GNB1: variants seen among roughly 807,000 people sequenced by gnomAD.
The protein encoded by GNB1 is G protein subunit beta 1, also known as guanine nucleotide-binding protein G(I)/G(S)/G(T) subunit beta-1.
A neutral mutation model predicts 42.9 loss-of-function variants in GNB1; 2 were observed. The ratio of observed to expected loss-of-function variants is 0.05; its 90% CI spans 0.02 to 0.15. The LOEUF (loss-of-function observed/expected upper bound fraction) is 0.15. GNB1 is among the 10% of genes least tolerant of loss of function. The pLI is 1.00. For synonymous variants in GNB1, 183 were observed against 174.7 expected (o/e 1.05, Z -0.38); for missense variants, 193 against 462.2 (o/e 0.42, Z 5.34).
chr1:1,795,751 T>TCAAAAAAA (rs56070879), intron 7 of GNB1, among the ~76,000 whole-genome samples: 125,151 of 150,772 alleles, frequency 0.83, 53,799 homozygotes, highest in Non-Finnish European at 0.95. Flanking sequence ...AGACTCTGCC[T>TCAAAAAAA]CAAAAAAACA....
chr1:1,829,095 C>T (rs1031024242), intron 2 of GNB1, among the ~76,000 whole-genome samples: 10 of 152,036 alleles, frequency 6.6e-5, no homozygotes, highest in South Asian at 2.1e-4. Context: ...TCACTCTTAT[C>T]GCCCAGGCTG....
At chr1:1,829,883 C>T (rs1427644028) in intron 2 of GNB1, among the ~76,000 whole-genome samples, 1 of 152,002 alleles carries the variant, frequency 6.6e-6, no homozygotes, top group Non-Finnish European at 1.5e-5. Context: ...GGACTACAGG[C>T]ACATGCCACC....
At chr1:1,819,424 T>C (rs1646900946) in intron 3 of GNB1, among the ~76,000 whole-genome samples, 1 of 152,110 alleles carries the variant, frequency 6.6e-6, no homozygotes, top group Admixed American at 6.6e-5. Flanking sequence ...TTTCACCATA[T>C]TGGCCAGGCT....
chr1:1,859,956 A>C (rs944035904), intron 1 of GNB1, among the ~76,000 whole-genome samples: 2 of 152,208 alleles, frequency 1.3e-5, no homozygotes, highest in African/African-American at 4.8e-5. Context: ...ATGTAAATGT[A>C]AATGACCAGT....
chr1:1,838,001 G>A (rs929518554), intron 2 of GNB1, among the ~76,000 whole-genome samples: 2 of 150,094 alleles, frequency 1.3e-5, no homozygotes, highest in South Asian at 2.2e-4. Flanking sequence ...TCAGGAGTTC[G>A]AGACCAGCCT....
chr1:1,798,606 T>C (rs566116121), intron 7 of GNB1, among the ~76,000 whole-genome samples: 2 of 152,210 alleles, frequency 1.3e-5, no homozygotes, highest in East Asian at 3.9e-4. Context: ...CCGAGAGGTA[T>C]GCAAAGAACA....
At chr1:1,868,238 C>T (rs1000022324) in intron 1 of GNB1, among the ~76,000 whole-genome samples, 2 of 151,976 alleles carry the variant, frequency 1.3e-5, no homozygotes, top group Non-Finnish European at 1.5e-5. Flanking sequence ...TGCAATGGTG[C>T]GATCTCAGCT....
At chr1:1,819,705 AT>A (rs34199353) in intron 3 of GNB1, among the ~76,000 whole-genome samples, 102,966 of 130,984 alleles carry the variant, frequency 0.79, 41,561 homozygotes, top group Non-Finnish European at 0.92. Context: ...TGCCCGGCTA[AT>A]TTTTTTTTTT....
At chr1:1,863,235 G>A (rs982984700) in intron 1 of GNB1, among the ~76,000 whole-genome samples, 2 of 152,176 alleles carry the variant, frequency 1.3e-5, no homozygotes, top group Non-Finnish European at 2.9e-5. Context: ...CAAGTTGTGA[G>A]GTGGTGCTGG....
chr1:1,822,036 G>A (rs1646936114), intron 3 of GNB1, among the ~76,000 whole-genome samples: 2 of 152,164 alleles, frequency 1.3e-5, no homozygotes, highest in African/African-American at 4.8e-5. Flanking sequence ...TCGGGAGGCT[G>A]CAGTGAGCTG....
intron 6 of GNB1, among the ~76,000 whole-genome samples, chr1:1,806,149 C>T (rs1646693029): frequency 6.6e-6 from 1 of 152,152 alleles, no homozygotes. Context: ...TACTTCTGCA[C>T]TCTATAAATA....
chr1:1,882,180 G>A (rs1384833293), intron 1 of GNB1, among the ~76,000 whole-genome samples: 1 of 152,150 alleles, frequency 6.6e-6, no homozygotes, highest in Non-Finnish European at 1.5e-5. Flanking sequence ...CAGGCACAGT[G>A]GCTCACGCCT....
At chr1:1,797,843 A>G (rs1183500869) in intron 7 of GNB1, among the ~76,000 whole-genome samples, 1 of 152,192 alleles carries the variant, frequency 6.6e-6, no homozygotes, top group East Asian at 1.9e-4. Context: ...ACCCCACCCA[A>G]GGGAGGCGCA....
chr1:1,890,378 C>T (rs1650420018), intron 1 of GNB1: 1 of 150,644 alleles, frequency 6.6e-6, no homozygotes, highest in Non-Finnish European at 1.5e-5. Context: ...ATAGGCGGCC[C>T]GCGCGGGGGC....
chr1:1,881,201 C>T (rs1191649901), intron 1 of GNB1, among the ~76,000 whole-genome samples: 2 of 152,146 alleles, frequency 1.3e-5, no homozygotes, highest in African/African-American at 4.8e-5. Flanking sequence ...TGGTCATTTA[C>T]ATCTTTCTCG....
At chr1:1,882,457 A>C (rs1410281654) in intron 1 of GNB1, among the ~76,000 whole-genome samples, 1 of 147,498 alleles carries the variant, frequency 6.8e-6, no homozygotes, top group Non-Finnish European at 1.5e-5. Context: ...AAAAGAGAGA[A>C]GGTGCTAAGT....
chr1:1,824,665 C>G (rs542573660), intron 3 of GNB1, among the ~76,000 whole-genome samples: 1 of 151,988 alleles, frequency 6.6e-6, no homozygotes, highest in East Asian at 1.9e-4. Flanking sequence ...CTCTGCCTCC[C>G]GGGTTCAAGG....
chr1:1,890,757 C>A (rs1650460427), intron 1 of GNB1, 63 bp downstream of exon 1: 1 of 148,284 alleles, frequency 6.7e-6, no homozygotes, highest in Non-Finnish European at 1.5e-5. Context: ...GGGGCGGGCG[C>A]CCCCAGGGCG....
intron 1 of GNB1, among the ~76,000 whole-genome samples, chr1:1,843,603 TC>T (rs1397186566): frequency 3.3e-5 from 5 of 152,232 alleles, no homozygotes; most frequent in Non-Finnish European, 5.9e-5. Flanking sequence ...AAAAGTGCTA[TC>T]AAATCACCTT....
Sources: allele counts gnomAD v4.1 joint callset (sites outside exome capture counted in the v4.1 genomes callset), GRCh38; gene constraint gnomAD v4.1.1; transcripts MANE v1.5; gene names NCBI Gene and HGNC (gene_info 2026-07-23, HGNC 2026-07-21).